Variants in PHF14 observed in about 807,000 individuals in gnomAD.
PHF14 encodes the protein PHD finger protein 14.
A neutral mutation model predicts 117.9 loss-of-function variants in PHF14; 55 were observed. The ratio of observed to expected loss-of-function variants is 0.47; its 90% CI spans 0.38 to 0.58. The LOEUF (loss-of-function observed/expected upper bound fraction) is 0.58. Among genes scored for constraint, PHF14 ranks in the 20% least tolerant of loss-of-function variants. The pLI, the probability that PHF14 is intolerant of heterozygous loss-of-function variation, is 0.00. For missense variants in PHF14, 978 were observed against 1,122.2 expected (o/e 0.87, Z 1.84); for synonymous variants, 409 against 368.6 (o/e 1.11, Z -1.26).
At chr7:11,151,572 A>G (rs1169008367) in intron 17 of PHF14, among the ~76,000 whole-genome samples, 1 of 152,136 alleles carries the variant, frequency 6.6e-6, no homozygotes, top group Non-Finnish European at 1.5e-5. Flanking sequence ...AAATAAATTT[A>G]TAACTTCATT....
intron 14 of PHF14, among the ~76,000 whole-genome samples, chr7:11,051,999 C>A (rs189804179): frequency 1.3e-5 from 2 of 152,114 alleles, no homozygotes; most frequent in Admixed American, 6.6e-5. Context: ...AGGAACACAC[C>A]AGAGCATCCA....
chr7:11,141,227 A>G lies in PHF14; in HGVS notation c.2773-28189A>G, dbSNP rs181848861. Among the ~76,000 whole-genome samples, 15 of 152,230 alleles carry G rather than the reference A, an allele frequency of 9.9e-5. No individual in the cohort carries two copies. The East Asian group carries it at 2.9e-3, about 29-fold the overall frequency. On this transcript the variant is annotated intron_variant, in intron 17 of 17. Coordinates refer to ENST00000634607, the MANE Select transcript of PHF14 (RefSeq NM_001007157.2). ...AGTTGAGATTGTATAATTTAAATTT[A>G]GAGCAACTGGCCAAATTCTTTTAGA...
At chr7:11,006,716 C>CA (rs1415915005) in intron 4 of PHF14, 5 of 659,774 alleles carry the variant, frequency 7.6e-6, no homozygotes, top group African/African-American at 7.2e-5. Flanking sequence ...TCCAGAGTCT[C>CA]AGTGTCTTGG....
In PHF14 at chr7:11,036,275, G is replaced by A. The variant is rs1036871871; in HGVS notation, c.1603-143G>A. The A allele has an allele frequency of 8.3e-5, 56 of 674,816 alleles. No individual in the cohort carries two copies. The African/African-American group carries it at 8.7e-4, about 10-fold the overall frequency. The allele number at this position is 674,816 out of a possible 1,614,324, so 41.8% of individuals were successfully genotyped here. A position where few individuals can be genotyped will look rare whatever the true frequency, so the allele number is the denominator to read the frequency against. On this transcript the variant is annotated intron_variant, in intron 8 of 17. Coordinates refer to ENST00000634607, the MANE Select transcript of PHF14 (RefSeq NM_001007157.2). ...CAAAAATTATACAGTATACCTTAAG[G>A]ATCATTCATACCTATAATTTGCTTT...
chr7:11,105,876 A>C lies in PHF14; in HGVS notation c.2655-5474A>C, dbSNP rs910874015. The C allele has an allele frequency of 1.1e-5, 11 of 966,250 alleles. No homozygotes were observed. In the African/African-American group the frequency reaches 2.1e-4, roughly 19 times the overall value. 59.9% of individuals were successfully genotyped at this position (966,250 alleles called of 1,614,324 possible). A position where few individuals can be genotyped will look rare whatever the true frequency, so the allele number is the denominator to read the frequency against. Reference sequence around the variant, plus strand: ...CAATTATCTCATTTATCTGATTTACATTGTAAAATCAGGATCTACACTATT... The same window carrying C: ...CAATTATCTCATTTATCTGATTTACCTTGTAAAATCAGGATCTACACTATT... On this transcript the variant is annotated intron_variant, in intron 16 of 17. Coordinates refer to ENST00000634607, the MANE Select transcript of PHF14 (RefSeq NM_001007157.2).
chr7:11,072,357 C>A (rs1301787781), intron 16 of PHF14, among the ~76,000 whole-genome samples: 1 of 152,186 alleles, frequency 6.6e-6, no homozygotes, highest in Non-Finnish European at 1.5e-5. Flanking sequence ...CCCCGTGATC[C>A]AGTCACCTCC....
Position 11,133,019 on chromosome 7 carries a change from A to G in PHF14, c.2772+21552A>G, listed in dbSNP as rs573605118. Among the ~76,000 whole-genome samples, 9 of 152,078 alleles carry G rather than the reference A, an allele frequency of 5.9e-5. No homozygotes were observed. In the South Asian group the frequency reaches 1.4e-3, roughly 24 times the overall value. ...CTAACAAAATATACACAAAACCTGT[A>G]TGAGAGAAACTACAAAATTCTAATA... is the stretch of plus-strand genomic sequence containing the variant. On this transcript the variant is annotated intron_variant, in intron 17 of 17. Coordinates refer to ENST00000634607, the MANE Select transcript of PHF14 (RefSeq NM_001007157.2).
chr7:11,027,386 T>C (rs965567407), intron 6 of PHF14, among the ~76,000 whole-genome samples: 1 of 152,170 alleles, frequency 6.6e-6, no homozygotes, highest in African/African-American at 2.4e-5. Flanking sequence ...CCTTCTTATG[T>C]AGTTCACTTT....
chr7:11,081,999 G>A (rs999155905), intron 16 of PHF14, among the ~76,000 whole-genome samples: 1 of 152,024 alleles, frequency 6.6e-6, no homozygotes, highest in African/African-American at 2.4e-5. Context: ...AGCTAATAGT[G>A]TACGTAGAAT....
intron 7 of PHF14, among the ~76,000 whole-genome samples, chr7:11,034,539 ATTTTTT>A (rs56043099): frequency 7.9e-5 from 5 of 63,094 alleles, no homozygotes; most frequent in African/African-American, 1.2e-4. Context: ...TCTTAATTCT[ATTTTTT>A]TTTTTTTTTT....
chr7:11,019,729 AT>A (rs1306809109), intron 5 of PHF14, among the ~76,000 whole-genome samples: 3 of 151,740 alleles, frequency 2.0e-5, no homozygotes, highest in African/African-American at 7.3e-5. Flanking sequence ...TTTTATTTCA[AT>A]TTTATTTATT....
intron 16 of PHF14, among the ~76,000 whole-genome samples, chr7:11,094,454 A>T (rs1052587608): frequency 2.0e-5 from 3 of 151,596 alleles, no homozygotes; most frequent in Admixed American, 2.0e-4. Context: ...TCTGATTCTG[A>T]CTCCTCCTAC....
At chr7:11,095,258 T>A (rs1786802971) in intron 16 of PHF14, among the ~76,000 whole-genome samples, 1 of 152,204 alleles carries the variant, frequency 6.6e-6, no homozygotes, top group Non-Finnish European at 1.5e-5. Context: ...TGTTTTTATT[T>A]ACATTTATAA....
intron 16 of PHF14, among the ~76,000 whole-genome samples, chr7:11,092,902 G>T (rs1382566915): frequency 2.6e-5 from 4 of 152,162 alleles, no homozygotes; most frequent in African/African-American, 9.7e-5. Flanking sequence ...CAGTTAAAGG[G>T]TGTTTTTTTC....
At chr7:11,155,171 C>G (rs957954487) in intron 17 of PHF14, among the ~76,000 whole-genome samples, 1 of 152,008 alleles carries the variant, frequency 6.6e-6, no homozygotes, top group Non-Finnish European at 1.5e-5. Context: ...TAATTTTAGT[C>G]GTCAAAAATA....
intron 4 of PHF14, among the ~76,000 whole-genome samples, chr7:11,007,750 C>A (rs2128314650): frequency 6.6e-6 from 1 of 152,268 alleles, no homozygotes; most frequent in Non-Finnish European, 1.5e-5. Flanking sequence ...CATATCCAGA[C>A]AGCCATAGTA....
chr7:11,035,832 T>C (rs775750690), intron 8 of PHF14, 46 bp downstream of exon 8: 8 of 1,489,918 alleles, frequency 5.4e-6, no homozygotes, highest in Non-Finnish European at 9.1e-7. Context: ...TTTAAGGTTA[T>C]GTAAGGATTT....
chr7:10,993,984 G>T (rs1333425160), intron 4 of PHF14, among the ~76,000 whole-genome samples: 1 of 150,796 alleles, frequency 6.6e-6, no homozygotes. Context: ...ACTTTGGCCT[G>T]GGTGACAGAG....
chr7:11,059,900 C>T (rs766782854), intron 14 of PHF14, among the ~76,000 whole-genome samples: 3 of 152,122 alleles, frequency 2.0e-5, no homozygotes, highest in Non-Finnish European at 2.9e-5. Context: ...GACAAAGTCT[C>T]GTCCTGTTGC....
Sources: gnomAD v4.1 joint callset for allele counts (sites outside exome capture counted in the v4.1 genomes callset) on GRCh38, gnomAD v4.1.1 for gene constraint, MANE v1.5 for transcripts, NCBI Gene and HGNC (gene_info 2026-07-23, HGNC 2026-07-21) for gene names.